The following TTC7B variants were observed in gnomAD, a reference collection of about 807,000 sequenced individuals.
TTC7B encodes tetratricopeptide repeat domain 7B, also known as tetratricopeptide repeat protein 7B.
In TTC7B, 28 loss-of-function variants were observed where a neutral mutation model predicts 106.8. The ratio of observed to expected loss-of-function variants is 0.26; its 90% confidence interval spans 0.19 to 0.36. The LOEUF is 0.36. TTC7B is among the 10% of genes least tolerant of loss of function. TTC7B has a pLI of 1.00. For missense variants in TTC7B, 862 were observed against 1,076.4 expected, an observed-to-expected ratio of 0.80 and a Z score of 2.79; for synonymous variants, 405 against 430.6, an observed-to-expected ratio of 0.94 and a Z score of 0.74.
At chr14:90,743,911 G>A (rs1472823700) in intron 4 of TTC7B, among the ~76,000 whole-genome samples, 2 of 152,194 alleles carry the variant, frequency 1.3e-5, no homozygotes, top group African/African-American at 4.8e-5. Context: ...TCCTCTGTCT[G>A]AGGCTGCGAG....
chr14:90,633,277 G>A (rs556697316), intron 15 of TTC7B, among the ~76,000 whole-genome samples: 2 of 152,312 alleles, frequency 1.3e-5, no homozygotes, highest in African/African-American at 4.8e-5. Context: ...ACCTCTCTGG[G>A]AGCACATGAA....
intron 3 of TTC7B, among the ~76,000 whole-genome samples, chr14:90,756,844 CA>C (rs78558929): frequency 0.66 from 100,961 of 151,860 alleles, 34,332 homozygotes; most frequent in African/African-American, 0.8. Context: ...TGCTTGCTTC[CA>C]AAAAGAGAAC....
rs543972587 is a variant in TTC7B, at chr14:90,581,567, C to A, written c.2108-3259G>T. On this transcript the variant is annotated intron_variant, in intron 18 of 19. Transcript: ENST00000328459. ...CGTCCCTCTCATTGCACGCCTGGCT[C>A]CTGCCTCACTGCCAAGCTGGGAGTG... 3.3e-5 allele frequency among the ~76,000 whole-genome samples: 5 copies of A among 152,314 alleles called. No homozygotes were observed. In the South Asian group the frequency reaches 1.0e-3, roughly 32 times the overall value.
intron 15 of TTC7B, among the ~76,000 whole-genome samples, chr14:90,634,869 C>G (rs1419732595): frequency 6.6e-6 from 1 of 152,134 alleles, no homozygotes; most frequent in African/African-American, 2.4e-5. Flanking sequence ...AATACCAATA[C>G]AGTTTTAAAC....
intron 15 of TTC7B, among the ~76,000 whole-genome samples, chr14:90,633,057 A>T (rs1187620058): frequency 2.0e-5 from 3 of 152,222 alleles, no homozygotes; most frequent in Non-Finnish European, 4.4e-5. Flanking sequence ...GAGGCCACGG[A>T]CAGAAGTGTT....
chr14:90,574,484 A>G (rs1385149022), intron 19 of TTC7B, among the ~76,000 whole-genome samples: 1 of 152,190 alleles, frequency 6.6e-6, no homozygotes, highest in Non-Finnish European at 1.5e-5. Context: ...CTCACTACAC[A>G]TGAATTTAGA....
At chr14:90,607,846 G>A (rs1014488895) in intron 17 of TTC7B, among the ~76,000 whole-genome samples, 24 of 152,198 alleles carry the variant, frequency 1.6e-4, no homozygotes, top group Non-Finnish European at 3.4e-4. Flanking sequence ...GGTTGTTTAT[G>A]TAAAGGGGCA....
In TTC7B at chr14:90,749,697, A is replaced by G. The variant is rs142658235; in HGVS notation, c.446-4775T>C. On this transcript the variant is annotated intron_variant, in intron 3 of 19. Coordinates refer to ENST00000328459, the MANE Select transcript of TTC7B (RefSeq NM_001010854.2). ...TGGGATTACAGGCATGAGCCACCGC[A>G]CCTGGCCAATAATAATAATTTTTCT... is the stretch of plus-strand genomic sequence containing the variant. Among the ~76,000 whole-genome samples, 299 of 151,406 alleles carry G rather than the reference A, an allele frequency of 2.0e-3. 5 individuals are homozygous for G. Among genetic ancestry groups the G allele is most frequent in the African/African-American group, 7.0e-3 (291 of 41,286 alleles).
intron 13 of TTC7B, chr14:90,648,875 T>C (rs904216720): frequency 1.2e-4 from 19 of 152,238 alleles, no homozygotes; most frequent in African/African-American, 4.1e-4. Flanking sequence ...ATAATAAATT[T>C]ACAGAACCCT....
chr14:90,597,383 C>T (rs1680755020), intron 17 of TTC7B, among the ~76,000 whole-genome samples: 2 of 152,312 alleles, frequency 1.3e-5, no homozygotes, highest in African/African-American at 2.4e-5. Flanking sequence ...GCAGGCCAGG[C>T]GCGGTGGCTC....
At chr14:90,745,037 T>C (rs1889909570) in intron 3 of TTC7B, 115 bp from the exon 4 acceptor site, 6 of 1,019,210 alleles carry the variant, frequency 5.9e-6, no homozygotes, top group East Asian at 4.9e-5. Flanking sequence ...TGTTTGCAAA[T>C]AGACAGTTTA....
At chr14:90,615,074 A>G (rs1893014679) in intron 16 of TTC7B, among the ~76,000 whole-genome samples, 1 of 152,254 alleles carries the variant, frequency 6.6e-6, no homozygotes, top group Admixed American at 6.5e-5. Context: ...ATGTAAGAGA[A>G]TGCCACCCAC....
chr14:90,605,195 T>C (rs1892589633), intron 17 of TTC7B, among the ~76,000 whole-genome samples: 1 of 152,232 alleles, frequency 6.6e-6, no homozygotes, highest in Admixed American at 6.5e-5. Flanking sequence ...GAATACGGCC[T>C]TGATGATTAT....
At chr14:90,752,278 G>A (rs1450230621) in intron 3 of TTC7B, among the ~76,000 whole-genome samples, 1 of 152,148 alleles carries the variant, frequency 6.6e-6, no homozygotes, top group Non-Finnish European at 1.5e-5. Flanking sequence ...AGCACTTTGG[G>A]AGGCCAAGGT....
chr14:90,755,454 C>T (rs1411644839), intron 3 of TTC7B, among the ~76,000 whole-genome samples: 1 of 152,034 alleles, frequency 6.6e-6, no homozygotes, highest in African/African-American at 2.4e-5. Flanking sequence ...TTGAGACCAG[C>T]CTGGGCAACA....
At chr14:90,811,913 T>G (rs2030920838) in intron 1 of TTC7B, among the ~76,000 whole-genome samples, 1 of 152,200 alleles carries the variant, frequency 6.6e-6, no homozygotes, top group Non-Finnish European at 1.5e-5. Context: ...ACCTCCAATG[T>G]GCCTGTTTGT....
At position 90,540,026 on chromosome 14, in the gene TTC7B, G is replaced by A. The variant is rs1020225881; in HGVS notation, c.*1342C>T. The A allele has an allele frequency of 2.0e-5, 3 of 152,318 alleles. No individual in the cohort carries two copies. Among genetic ancestry groups the A allele is most frequent in the African/African-American group, 7.2e-5 (3 of 41,462 alleles). 9.4% of individuals were successfully genotyped at this position (152,318 alleles called of 1,614,324 possible). A position where few individuals can be genotyped will look rare whatever the true frequency, so the allele number is the denominator to read the frequency against. On this transcript the variant is annotated 3_prime_UTR_variant, in exon 20 of 20. Transcript: ENST00000328459. Reference sequence around the variant, plus strand: ...GCTCCAATTCCAAAGCCCCATCGGGGGAGAGCTAAGGCGAATTCCCAAACC... The same window carrying A: ...GCTCCAATTCCAAAGCCCCATCGGGAGAGAGCTAAGGCGAATTCCCAAACC...
In TTC7B at chr14:90,577,333, T is replaced by C. The variant is rs1891297345; in HGVS notation, c.2310+773A>G. 6.6e-6 allele frequency among the ~76,000 whole-genome samples: 1 copy of C among 152,224 alleles called. No homozygotes were observed. Among genetic ancestry groups the C allele is most frequent in the African/African-American group, 2.4e-5 (1 of 41,460 alleles). On this transcript the variant is annotated intron_variant, in intron 19 of 19. Coordinates refer to ENST00000328459, the MANE Select transcript of TTC7B (RefSeq NM_001010854.2). The surrounding 1 kb of genome is among the most constrained non-coding windows in gnomAD (Gnocchi z 5.0). ...GATGACAGAGGACTGCCGAGGCAGC[T>C]GCACTAACACACGTTCATAACGGAC...
At chr14:90,798,200 G>T (rs1029584279) in intron 1 of TTC7B, among the ~76,000 whole-genome samples, 8 of 152,160 alleles carry the variant, frequency 5.3e-5, no homozygotes, top group Non-Finnish European at 1.2e-4. Context: ...AGCTGTCTAG[G>T]CAAGACTCCA....
Sources: gnomAD v4.1 joint callset for allele counts (sites outside exome capture counted in the v4.1 genomes callset) on GRCh38, gnomAD v4.1.1 for gene constraint, Gnocchi (gnomAD v3.1) non-coding constraint, MANE v1.5 for transcripts, NCBI Gene and HGNC (gene_info 2026-07-23, HGNC 2026-07-21) for gene names.